Variants in ABTB2 observed in about 807,000 individuals in gnomAD.
ABTB2 encodes the protein ankyrin repeat and BTB domain containing 2.
A neutral mutation model predicts 104.1 loss-of-function variants in ABTB2; 56 were observed. The observed-to-expected ratio is 0.54, with a 90% confidence interval of 0.43 to 0.67. The LOEUF (loss-of-function observed/expected upper bound fraction) is 0.67, where lower values mean the gene tolerates loss of function less well. ABTB2 is among the 30% of genes least tolerant of loss of function. The probability of loss-of-function intolerance (pLI) is 0.00; values close to 1 mark genes in which losing one functional copy is unlikely to be tolerated. For missense variants in ABTB2, 1,279 were observed against 1,407.7 expected (o/e 0.91, Z 1.46); for synonymous variants, 606 against 608.2 (o/e 1.00, Z 0.05).
chr11:34,170,864 T>C, intron 5 of ABTB2, 42 bp downstream of exon 5: 2 of 1,595,988 alleles, frequency 1.3e-6, no homozygotes, highest in African/African-American at 1.3e-5. Flanking sequence ...AATTCCCAAC[T>C]CTGGTCCTCG....
At chr11:34,232,728 A>G (rs2133057999) in intron 1 of ABTB2, among the ~76,000 whole-genome samples, 1 of 152,148 alleles carries the variant, frequency 6.6e-6, no homozygotes, top group East Asian at 1.9e-4. Context: ...TAATCTCAGA[A>G]CTTTGGGAGA....
In ABTB2 at chr11:34,170,312, A is replaced by G. The variant is rs184355417; in HGVS notation, c.1563+594T>C. The stretch of plus-strand genomic sequence containing the variant: ...AAGCACTTAGAACAATGCATCGAAC[A>G]TAGTAAATGCTATATAAATGGTAGC... On this transcript the variant is annotated intron_variant, in intron 5 of 16. Transcript: ENST00000435224. Among the ~76,000 whole-genome samples the G allele has an allele frequency of 2.1e-3, 324 of 152,370 alleles. 1 individual carries two copies. Among genetic ancestry groups the G allele is most frequent in the Non-Finnish European group, 1.0e-3 (71 of 68,038 alleles).
intron 3 of ABTB2, among the ~76,000 whole-genome samples, chr11:34,194,004 G>A (rs951350038): frequency 2.6e-5 from 4 of 152,248 alleles, no homozygotes; most frequent in Non-Finnish European, 4.4e-5. Context: ...AGAAGCAGCA[G>A]GTGGCTTAGC....
At chr11:34,165,177 C>A in intron 8 of ABTB2, 83 bp downstream of exon 8, 2 of 1,301,254 alleles carry the variant, frequency 1.5e-6, no homozygotes, top group Non-Finnish European at 2.1e-6. Flanking sequence ...AAAGAGACCC[C>A]TGCACGTCCA....
chr11:34,313,441 C>T (rs1255946900), intron 1 of ABTB2, among the ~76,000 whole-genome samples: 3 of 152,260 alleles, frequency 2.0e-5, no homozygotes, highest in Non-Finnish European at 2.9e-5. Context: ...ACCCCAGCAG[C>T]AACCTGCACC....
intron 1 of ABTB2, among the ~76,000 whole-genome samples, chr11:34,254,740 C>T (rs969899093): frequency 2.1e-5 from 3 of 145,848 alleles, no homozygotes; most frequent in South Asian, 2.2e-4. Flanking sequence ...GGTATGATCT[C>T]GGCTCACTGC....
rs113790960 is a variant in ABTB2 at position 34,357,000 on chromosome 11, C to A, written c.584G>T (p.Arg195Leu). ...YSMSAGDGLR[R>L]GKSARCGLTF... ...GAGGCCGCAGCGCGCGGACTTGCCC[C>A]GGCGCAGCCCGTCGCCGGCGCTCAT... Residue 195 changes from arginine to leucine, a missense_variant, in exon 1 of 17, where the codon CGG (arginine) becomes CTG (leucine). By Grantham distance (102) the Arg-to-Leu change is moderately radical. Transcript: ENST00000435224. The surrounding 1 kb of genome is among the most constrained non-coding windows in gnomAD (Gnocchi z 4.6). 0.016 allele frequency: 25,629 copies of A among 1,579,066 alleles called. 273 individuals carry two copies. The highest frequency in any genetic ancestry group is 0.02 in the Non-Finnish European group (23,278 of 1,165,000).
intron 1 of ABTB2, among the ~76,000 whole-genome samples, chr11:34,351,838 G>A (rs577559779): frequency 6.6e-6 from 1 of 152,190 alleles, no homozygotes; most frequent in East Asian, 1.9e-4. Flanking sequence ...TCCAGCTGGG[G>A]GAGTCAGGTA....
chr11:34,289,904 C>T (rs1854548619), intron 1 of ABTB2, among the ~76,000 whole-genome samples: 1 of 152,208 alleles, frequency 6.6e-6, no homozygotes, highest in Non-Finnish European at 1.5e-5. Flanking sequence ...GGTTGACCCA[C>T]ACAGCCTTTT....
chr11:34,306,642 T>C (rs1452257377), intron 1 of ABTB2, among the ~76,000 whole-genome samples: 2 of 151,826 alleles, frequency 1.3e-5, no homozygotes, highest in Non-Finnish European at 2.9e-5. Flanking sequence ...GAGGATGGCT[T>C]GAGCCCAGGA....
chr11:34,295,366 GC>G (rs1320239943), intron 1 of ABTB2, among the ~76,000 whole-genome samples: 1 of 152,170 alleles, frequency 6.6e-6, no homozygotes, highest in Non-Finnish European at 1.5e-5. Flanking sequence ...CTGCTGGAGG[GC>G]TGACAGGGTA....
In ABTB2 at chr11:34,356,570, C is replaced by T. The variant is rs1590269166; in HGVS notation, c.883+131G>A. ...CAAGTGCCATGTAATGAACCCTATC[C>T]TCAGACCAAACGTTTTCTCCCAAAG... On this transcript the variant is annotated intron_variant, in intron 1 of 16. Coordinates refer to ENST00000435224, the MANE Select transcript of ABTB2 (RefSeq NM_145804.3). The surrounding 1 kb of genome is among the most constrained non-coding windows in gnomAD (Gnocchi z 4.6). 1 of 1,289,588 alleles carries T rather than the reference C, an allele frequency of 7.8e-7. No homozygotes were observed. Among genetic ancestry groups the T allele is most frequent in the Middle Eastern group, 2.0e-4 (1 of 5,024 alleles). 79.9% of individuals were successfully genotyped at this position (1,289,588 alleles called of 1,614,324 possible). A position where few individuals can be genotyped will look rare whatever the true frequency, so the allele number is the denominator to read the frequency against.
At chr11:34,233,444 G>A (rs751426734) in intron 1 of ABTB2, among the ~76,000 whole-genome samples, 12 of 151,242 alleles carry the variant, frequency 7.9e-5, no homozygotes, top group Non-Finnish European at 1.3e-4. Context: ...TTAAACTCCT[G>A]GGCTCAAGCA....
chr11:34,192,201 G>A (rs1241674607), intron 3 of ABTB2, among the ~76,000 whole-genome samples: 1 of 152,110 alleles, frequency 6.6e-6, no homozygotes, highest in Non-Finnish European at 1.5e-5. Flanking sequence ...GCTGAGGTGG[G>A]AGGATTGCAT....
intron 1 of ABTB2, among the ~76,000 whole-genome samples, chr11:34,337,562 A>T (rs1396055601): frequency 2.0e-5 from 3 of 152,208 alleles, no homozygotes; most frequent in Non-Finnish European, 4.4e-5. Context: ...GACAGTACTA[A>T]TCTCAAACGC....
At chr11:34,264,828 C>T (rs1854229144) in intron 1 of ABTB2, among the ~76,000 whole-genome samples, 1 of 152,202 alleles carries the variant, frequency 6.6e-6, no homozygotes, top group South Asian at 2.1e-4. Context: ...CAGACCCCTC[C>T]TCATCCCGAC....
At chr11:34,283,756 A>G (rs1854473979) in intron 1 of ABTB2, among the ~76,000 whole-genome samples, 1 of 152,174 alleles carries the variant, frequency 6.6e-6, no homozygotes, top group Admixed American at 6.5e-5. Context: ...ACTGCAAAAT[A>G]TTTCCCCAAG....
intron 3 of ABTB2, among the ~76,000 whole-genome samples, chr11:34,190,124 C>T (rs1419312799): frequency 1.3e-5 from 2 of 152,188 alleles, no homozygotes; most frequent in African/African-American, 4.8e-5. Flanking sequence ...CCTATAATCC[C>T]AGCTACTCGG....
chr11:34,309,270 T>C (rs1321517219), intron 1 of ABTB2, among the ~76,000 whole-genome samples: 3 of 152,224 alleles, frequency 2.0e-5, no homozygotes, highest in African/African-American at 4.8e-5. Context: ...TGGGTGGGCA[T>C]TTTGGGGACC....
Sources: gnomAD v4.1 joint callset for allele counts (sites outside exome capture counted in the v4.1 genomes callset) on GRCh38, gnomAD v4.1.1 for gene constraint, Gnocchi (gnomAD v3.1) non-coding constraint, MANE v1.5 for transcripts, NCBI Gene and HGNC (gene_info 2026-07-23, HGNC 2026-07-21) for gene names.